PRKG1: variants seen among roughly 807,000 people sequenced by gnomAD.
The protein encoded by PRKG1 is protein kinase cGMP-dependent 1, also known as cGMP-dependent protein kinase 1.
Under a neutral mutation model 88.1 loss-of-function variants are expected in PRKG1, and 35 were observed. The observed-to-expected ratio is 0.40, with a 90% CI of 0.30 to 0.53. The LOEUF (loss-of-function observed/expected upper bound fraction) is 0.53. Among genes scored for constraint, PRKG1 ranks in the 20% least tolerant of loss-of-function variants. The pLI is 0.59. For synonymous variants in PRKG1, 303 were observed against 292.5 expected (o/e 1.04, Z -0.37); for missense variants, 540 against 839.8 (o/e 0.64, Z 4.41).
At chr10:51,062,360 A>G (rs936584803) in intron 1 of PRKG1, among the ~76,000 whole-genome samples, 34 of 152,098 alleles carry the variant, frequency 2.2e-4, no homozygotes, top group African/African-American at 6.8e-4. Flanking sequence ...GTATTTTGTG[A>G]TTGGTGAATA....
At position 52,148,957 on chromosome 10, in the gene PRKG1, C is replaced by CTTTTTTTTTTTTTTTT. The variant is rs71904885; in HGVS notation, c.1002-12921_1002-12906dup. Among the ~76,000 whole-genome samples, 15 of 55,160 alleles carry CTTTTTTTTTTTTTTTT rather than the reference C, an allele frequency of 2.7e-4. 2 individuals are homozygous for CTTTTTTTTTTTTTTTT. Among genetic ancestry groups the CTTTTTTTTTTTTTTTT allele is most frequent in the African/African-American group, 1.1e-3 (15 of 13,338 alleles). 36.2% of individuals were successfully genotyped at this position (55,160 alleles called of 152,430 possible). On this transcript the variant is annotated intron_variant, in intron 8 of 17. Coordinates refer to ENST00000373980, the MANE Select transcript of PRKG1 (RefSeq NM_006258.4). ...TATTTGACCACAGAGGATAGTTTTG[C>CTTTTTTTTTTTTTTTT]TTTTTTTTTTTTTTTTTTTTTTTTT...
chr10:51,902,321 G>C (rs1841998373), intron 4 of PRKG1, among the ~76,000 whole-genome samples: 1 of 151,900 alleles, frequency 6.6e-6, no homozygotes, highest in African/African-American at 2.4e-5. Context: ...TCTCCATGTT[G>C]GTCAGGCTGG....
chr10:52,274,935 G>T (rs1022375970), intron 12 of PRKG1, among the ~76,000 whole-genome samples: 7 of 152,078 alleles, frequency 4.6e-5, no homozygotes, highest in African/African-American at 1.7e-4. Flanking sequence ...GACCATTAGT[G>T]AAGTTGAGCA....
At chr10:51,989,989 A>G (rs1386186710) in intron 5 of PRKG1, among the ~76,000 whole-genome samples, 1 of 151,804 alleles carries the variant, frequency 6.6e-6, no homozygotes, top group Non-Finnish European at 1.5e-5. Context: ...TTGAGTTAAT[A>G]CTTTTTTTTT....
intron 5 of PRKG1, among the ~76,000 whole-genome samples, chr10:51,966,482 C>T (rs1478203086): frequency 6.6e-6 from 1 of 151,878 alleles, no homozygotes; most frequent in Non-Finnish European, 1.5e-5. Flanking sequence ...TTTTTCTTTC[C>T]GTATTTCCTT....
At chr10:51,281,175 C>T (rs201466295) in intron 2 of PRKG1, among the ~76,000 whole-genome samples, 3 of 152,164 alleles carry the variant, frequency 2.0e-5, no homozygotes, top group East Asian at 1.9e-4. Flanking sequence ...TGCAGAACAG[C>T]GGATATTGGT....
chr10:51,719,124 T>G (rs975105754), intron 3 of PRKG1, among the ~76,000 whole-genome samples: 2 of 149,940 alleles, frequency 1.3e-5, no homozygotes, highest in Admixed American at 6.7e-5. Flanking sequence ...CATTCTAGCC[T>G]GGGAGACAGA....
At chr10:51,290,279 T>C (rs368375623) in intron 2 of PRKG1, among the ~76,000 whole-genome samples, 1 of 152,128 alleles carries the variant, frequency 6.6e-6, no homozygotes, top group South Asian at 2.1e-4. Flanking sequence ...CAAAGAATTA[T>C]ACAAAATTTG....
chr10:52,011,239 T>A (rs1318837499), intron 5 of PRKG1, among the ~76,000 whole-genome samples: 1 of 152,194 alleles, frequency 6.6e-6, no homozygotes, highest in Non-Finnish European at 1.5e-5. Flanking sequence ...GGCTTTATTT[T>A]TAGAATTCAT....
At chr10:51,453,373 T>C (rs190292389) in intron 2 of PRKG1, among the ~76,000 whole-genome samples, 1 of 152,092 alleles carries the variant, frequency 6.6e-6, no homozygotes, top group Non-Finnish European at 1.5e-5. Flanking sequence ...GGTTTGTTCC[T>C]GTTTCTCTAG....
chr10:51,415,538 G>A (rs1564484874), intron 2 of PRKG1, among the ~76,000 whole-genome samples: 1 of 152,078 alleles, frequency 6.6e-6, no homozygotes, highest in Non-Finnish European at 1.5e-5. Flanking sequence ...ATTCCCCTGA[G>A]GTGAAAGGGC....
At chr10:51,534,801 A>G (rs557435623) in intron 3 of PRKG1, among the ~76,000 whole-genome samples, 178 of 152,266 alleles carry the variant, frequency 1.2e-3, no homozygotes, top group African/African-American at 4.2e-3. Flanking sequence ...GAAGAAGTGA[A>G]TAACTAATTT....
chr10:51,908,727 A>ATCTATCTATCTATCTATCTATC (rs59016467), intron 5 of PRKG1: 1 of 113,226 alleles, frequency 8.8e-6, no homozygotes, highest in African/African-American at 3.1e-5. Context: ...CTATCTATCT[A>ATCTATCTATCTATCTATCTATC]TATGTAATTT....
At chr10:52,174,543 G>A (rs1838802240) in intron 9 of PRKG1, among the ~76,000 whole-genome samples, 1 of 151,938 alleles carries the variant, frequency 6.6e-6, no homozygotes, top group Non-Finnish European at 1.5e-5. Context: ...ATCAAGATGT[G>A]ATTACCGTAC....
At chr10:51,660,776 G>A (rs1319856724) in intron 3 of PRKG1, among the ~76,000 whole-genome samples, 1 of 152,046 alleles carries the variant, frequency 6.6e-6, no homozygotes, top group Admixed American at 6.6e-5. Flanking sequence ...GCTTGGTGAT[G>A]CATGTTATGG....
At chr10:51,934,934 A>G (rs1394464885) in intron 5 of PRKG1, among the ~76,000 whole-genome samples, 1 of 152,176 alleles carries the variant, frequency 6.6e-6, no homozygotes, top group Non-Finnish European at 1.5e-5. Flanking sequence ...AGAGAAAGAA[A>G]CAGATGATAG....
At chr10:51,720,243 G>A (rs1039241157) in intron 3 of PRKG1, among the ~76,000 whole-genome samples, 4 of 152,088 alleles carry the variant, frequency 2.6e-5, no homozygotes, top group African/African-American at 9.7e-5. Context: ...TTCATTCCCT[G>A]ATTATAGCTT....
chr10:52,183,393 G>T (rs1223521415), intron 9 of PRKG1, among the ~76,000 whole-genome samples: 1 of 152,202 alleles, frequency 6.6e-6, no homozygotes, highest in Non-Finnish European at 1.5e-5. Context: ...GAGCATGTCA[G>T]CTGTTCTGTG....
intron 2 of PRKG1, among the ~76,000 whole-genome samples, chr10:51,198,404 G>A (rs1837827135): frequency 6.6e-6 from 1 of 152,188 alleles, no homozygotes; most frequent in African/African-American, 2.4e-5. Flanking sequence ...ACTTCTGGCA[G>A]TCTTCCATTC....
Sources: gnomAD v4.1 joint callset for allele counts (sites outside exome capture counted in the v4.1 genomes callset) on GRCh38, gnomAD v4.1.1 for gene constraint, MANE v1.5 for transcripts, NCBI Gene and HGNC (gene_info 2026-07-23, HGNC 2026-07-21) for gene names.